Variants in SSH1 observed in about 807,000 individuals in gnomAD.
SSH1 encodes the protein protein phosphatase Slingshot homolog 1.
In SSH1, 43 loss-of-function variants were observed where a neutral mutation model predicts 79.7. The ratio of observed to expected loss-of-function variants is 0.54; its 90% CI spans 0.42 to 0.70. The LOEUF (loss-of-function observed/expected upper bound fraction) is 0.70. Ranked by LOEUF, SSH1 falls within the 30% of genes least tolerant of loss-of-function variation. The pLI is 0.00. For synonymous variants in SSH1, 599 were observed against 538.3 expected, an observed-to-expected ratio of 1.11 and a Z score of -1.56; for missense variants, 1,206 against 1,358.8, an observed-to-expected ratio of 0.89 and a Z score of 1.77.
chr12:108,838,160 G>A (rs192789917), intron 2 of SSH1, among the ~76,000 whole-genome samples: 3 of 151,994 alleles, frequency 2.0e-5, no homozygotes, highest in Non-Finnish European at 4.4e-5. Context: ...TTTCTTTATC[G>A]GTAGGTAATA....
chr12:108,813,401 T>C (rs1206548241), intron 5 of SSH1, among the ~76,000 whole-genome samples: 1 of 151,916 alleles, frequency 6.6e-6, no homozygotes, highest in Admixed American at 6.6e-5. Context: ...GCATTCAAAA[T>C]GTTCCCAATC....
chr12:108,857,329 G>T lies in SSH1; in HGVS notation c.69+99C>A. On this transcript the variant is annotated intron_variant, in intron 1 of 14. Coordinates refer to ENST00000326495, the MANE Select transcript of SSH1 (RefSeq NM_018984.4). This position sits in a 1 kb window ranked among gnomAD's most constrained non-coding sequence, Gnocchi z 4.7. ...CCTACGGCGGGGCCCCGAGGAGCCC[G>T]CGCAGCCGCCCCCCTGCCCCGCACG... is the stretch of plus-strand genomic sequence containing the variant. 1.4e-6 allele frequency: 1 copy of T among 711,406 alleles called. No individual in the cohort carries two copies. The highest frequency in any genetic ancestry group is 1.7e-6 in the Non-Finnish European group (1 of 579,982). 44.1% of individuals were successfully genotyped at this position (711,406 alleles called of 1,614,324 possible).
chr12:108,835,933 A>AATTATAACTATATTAATATAATCG lies in SSH1; in HGVS notation c.111-12596_111-12573dup, dbSNP rs1555238902. On this transcript the variant is annotated intron_variant, in intron 2 of 14. Transcript: ENST00000326495. Reference sequence around the variant, plus strand: ...TAATTATAACTATATTAATATAATCAATTATAACTATATTAATATAATCGA... The same window carrying AATTATAACTATATTAATATAATCG: ...TAATTATAACTATATTAATATAATCAATTATAACTATATTAATATAATCGATTATAACTATATTAATATAATCGA... 6.4e-3 allele frequency among the ~76,000 whole-genome samples: 150 copies of AATTATAACTATATTAATATAATCG among 23,450 alleles called. 6 individuals are homozygous for AATTATAACTATATTAATATAATCG. The highest frequency in any genetic ancestry group is 0.023 in the Middle Eastern group (1 of 44). The allele number at this position is 23,450 out of a possible 152,430, so 15.4% of individuals were successfully genotyped here.
At chr12:108,854,818 T>A (rs1453249012) in intron 1 of SSH1, among the ~76,000 whole-genome samples, 3 of 152,154 alleles carry the variant, frequency 2.0e-5, no homozygotes, top group Non-Finnish European at 2.9e-5. Flanking sequence ...AGGAAGCAAC[T>A]CAAGCGAGGG....
chr12:108,853,922 CAAA>C (rs113813284), intron 1 of SSH1, among the ~76,000 whole-genome samples: 2 of 107,650 alleles, frequency 1.9e-5, no homozygotes, highest in Non-Finnish European at 4.0e-5. Context: ...TACTTCGTTT[CAAA>C]AAAAAAAAAA....
At chr12:108,828,320 C>A (rs1438376694) in intron 2 of SSH1, among the ~76,000 whole-genome samples, 2 of 152,124 alleles carry the variant, frequency 1.3e-5, no homozygotes, top group East Asian at 3.9e-4. Context: ...GGTGAGGAAA[C>A]CCCAGCTTGC....
intron 12 of SSH1, 142 bp downstream of exon 12, chr12:108,800,636 CCA>C (rs1168349330): frequency 2.1e-6 from 2 of 967,198 alleles, no homozygotes; most frequent in African/African-American, 1.6e-5. Context: ...AAGTCCACTC[CCA>C]CCAGCCAACT....
chr12:108,857,454 C>T lies in SSH1; in HGVS notation c.43G>A (p.Ala15Thr), dbSNP rs1214532470. The T allele has an allele frequency of 9.0e-7, 1 of 1,117,122 alleles. No individual in the cohort carries two copies. Among genetic ancestry groups the T allele is most frequent in the South Asian group, 1.9e-5 (1 of 51,300 alleles). The allele number at this position is 1,117,122 out of a possible 1,614,324, so 69.2% of individuals were successfully genotyped here. Residue 15 changes from alanine (A) to threonine (T), a missense_variant, in exon 1 of 15, where the codon GCC (alanine) becomes ACC (threonine). Ala to Thr is a moderately conservative substitution (Grantham distance 58, BLOSUM62 0). Coordinates refer to ENST00000326495, the MANE Select transcript of SSH1 (RefSeq NM_018984.4). This position sits in a 1 kb window ranked among gnomAD's most constrained non-coding sequence, Gnocchi z 4.7. ...TCGCTGTTGCTGGCCGAGGAGGAGGCGGCGCTGGGCGTGGGCGAGCGCTGC... is the reference window on the plus strand; with the variant it reads ...TCGCTGTTGCTGGCCGAGGAGGAGGTGGCGCTGGGCGTGGGCGAGCGCTGC... ...TLQRSPTPSA[A>T]SSSASNSELE... is the part of the protein sequence containing the mutation.
chr12:108,818,827 C>G (rs886946087), intron 3 of SSH1, among the ~76,000 whole-genome samples: 7 of 152,210 alleles, frequency 4.6e-5, no homozygotes, highest in African/African-American at 1.4e-4. Context: ...GATCTCAGCT[C>G]ACTGCAACCT....
In SSH1 at chr12:108,807,494, G is replaced by A. The variant is rs1358116066; in HGVS notation, c.731+139C>T. ...GACCCCTGCTTTAAACGCTGGTTCT[G>A]AGAAAGCTAGGGTTCTCACTCAAGG... On this transcript the variant is annotated intron_variant, in intron 8 of 14. Coordinates refer to ENST00000326495, the MANE Select transcript of SSH1 (RefSeq NM_018984.4). This position sits in a 1 kb window ranked among gnomAD's most constrained non-coding sequence, Gnocchi z 5.2. 1 of 731,366 alleles carries A rather than the reference G, an allele frequency of 1.4e-6. No individual in the cohort carries two copies. The highest frequency in any genetic ancestry group is 1.8e-5 in the African/African-American group (1 of 56,454). The allele number at this position is 731,366 out of a possible 1,614,324, so 45.3% of individuals were successfully genotyped here. A position where few individuals can be genotyped will look rare whatever the true frequency, so the allele number is the denominator to read the frequency against.
chr12:108,817,199 G>T, intron 4 of SSH1, 40 bp from the exon 5 acceptor site: 1 of 1,610,434 alleles, frequency 6.2e-7, no homozygotes. Context: ...CCTGCCTTTG[G>T]AGGTGGTGCC....
At position 108,806,331 on chromosome 12, in the gene SSH1, G is replaced by A. The variant is rs757279859; in HGVS notation, c.795C>T (p.Ser265=). The change falls in exon 9 of 15, where the codon AGC becomes AGT. Residue 265 remains serine, a synonymous_variant. Transcript: ENST00000326495. Reference sequence around the variant, plus strand: ...TGGAAGTCACATTTTCTAGATCCTGGCTCATCATGATGCTTCGGAGCTTGG... The same window carrying A: ...TGGAAGTCACATTTTCTAGATCCTGACTCATCATGATGCTTCGGAGCTTGG... The part of the protein sequence containing the change: ...IKAKLRSIMM[S]QDLENVTSKE... The A allele has an allele frequency of 6.2e-6, 10 of 1,614,026 alleles. No homozygotes were observed. The highest frequency in any genetic ancestry group is 8.5e-6 in the Non-Finnish European group (10 of 1,180,022).
At chr12:108,799,284 C>T (rs546850909) in intron 12 of SSH1, 84 bp from the exon 13 acceptor site, 2 of 1,175,646 alleles carry the variant, frequency 1.7e-6, no homozygotes, top group East Asian at 2.6e-5. Context: ...ACTTCATTCT[C>T]TCAGGTTTTA....
Position 108,807,619 on chromosome 12 carries a change from G to C in SSH1, c.731+14C>G, listed in dbSNP as rs1238490591. On this transcript the variant is annotated intron_variant, in intron 8 of 14. Transcript: ENST00000326495. This position sits in a 1 kb window ranked among gnomAD's most constrained non-coding sequence, Gnocchi z 5.2. ...TGGGCTTGGGTGCGCTCACACCAGAGGCACCTCACTTACTTGTCCACAAAT... is the reference window on the plus strand; with the variant it reads ...TGGGCTTGGGTGCGCTCACACCAGACGCACCTCACTTACTTGTCCACAAAT... 4 of 1,611,860 alleles carry C rather than the reference G, an allele frequency of 2.5e-6. No homozygotes were observed. Among genetic ancestry groups the C allele is most frequent in the Non-Finnish European group, 3.4e-6 (4 of 1,178,838 alleles).
intron 11 of SSH1, among the ~76,000 whole-genome samples, chr12:108,801,220 A>C (rs1247793175): frequency 6.6e-6 from 1 of 152,222 alleles, no homozygotes; most frequent in African/African-American, 2.4e-5. Flanking sequence ...GTATTACTTA[A>C]ATTTATAACT....
At chr12:108,835,382 C>T (rs761918057) in intron 2 of SSH1, among the ~76,000 whole-genome samples, 6 of 151,680 alleles carry the variant, frequency 4.0e-5, no homozygotes, top group Non-Finnish European at 8.8e-5. Flanking sequence ...TGCAGTGAGC[C>T]GAGATTGTGC....
intron 5 of SSH1, chr12:108,811,579 G>C: frequency 1.9e-6 from 1 of 536,680 alleles, no homozygotes; most frequent in Non-Finnish European, 3.4e-6. Flanking sequence ...CTCTACAGCA[G>C]GGAGGCAGCT....
chr12:108,792,676 G>A lies in SSH1; in HGVS notation c.1503C>T (p.Pro501=), dbSNP rs201471854. 2.2e-5 allele frequency: 35 copies of A among 1,612,424 alleles called. No homozygotes were observed. The highest frequency in any genetic ancestry group is 6.6e-5 in the South Asian group (6 of 91,084). Residue 501 remains proline, a synonymous_variant, in exon 14 of 15, where the codon CCC becomes CCT. Transcript: ENST00000326495. ...AGCAGGGGAGGGGGGGCCCTAAGCC[G>A]GGCTGGGCGGCATCATCCAAGAAGG... The part of the protein sequence containing the change: ...QLPFLDDAAQ[P]GLGPPLPCCF...
chr12:108,783,068 G>A lies in SSH1; in HGVS notation c.*4920C>T, dbSNP rs1220178463. The A allele has an allele frequency of 6.6e-6, 1 of 152,240 alleles. No individual in the cohort carries two copies. The highest frequency in any genetic ancestry group is 1.5e-5 in the Non-Finnish European group (1 of 68,054). The allele number at this position is 152,240 out of a possible 1,614,324, so 9.4% of individuals were successfully genotyped here. On this transcript the variant is annotated 3_prime_UTR_variant, in exon 15 of 15. Transcript: ENST00000326495. The stretch of plus-strand genomic sequence containing the variant: ...TGGTAATAAAATCTCTATGAAAGAA[G>A]AGTATGATTGTGTGACTGGGGAATG...
Sources: gnomAD v4.1 joint callset for allele counts (sites outside exome capture counted in the v4.1 genomes callset) on GRCh38, gnomAD v4.1.1 for gene constraint, Gnocchi (gnomAD v3.1) non-coding constraint, MANE v1.5 for transcripts, NCBI Gene and HGNC (gene_info 2026-07-23, HGNC 2026-07-21) for gene names.